The following KIF24 variants were observed in gnomAD, a reference collection of about 807,000 sequenced individuals.
KIF24 encodes the protein kinesin-like protein KIF24.
Under a neutral mutation model 118.9 loss-of-function variants are expected in KIF24, and 81 were observed. The ratio of observed to expected loss-of-function variants is 0.68; its 90% CI spans 0.57 to 0.82. The LOEUF (loss-of-function observed/expected upper bound fraction) is 0.82. Among genes scored for constraint, KIF24 ranks in the 40% least tolerant of loss-of-function variants. The probability of loss-of-function intolerance (pLI) is 0.00; values close to 1 mark genes in which losing one functional copy is unlikely to be tolerated. For missense variants in KIF24, 1,560 were observed against 1,661.6 expected (o/e 0.94, Z 1.06); for synonymous variants, 599 against 610.0 (o/e 0.98, Z 0.27).
chr9:34,291,387 T>G lies in KIF24; in HGVS notation c.912-998A>C, dbSNP rs894454672. Among the ~76,000 whole-genome samples, 15 of 152,350 alleles carry G rather than the reference T, an allele frequency of 9.8e-5. No individual in the cohort carries two copies. The East Asian group carries it at 2.7e-3, about 27-fold the overall frequency. On this transcript the variant is annotated intron_variant, in intron 4 of 12. Transcript: ENST00000402558. ...CTCTGGTTTCTGCCCTACCATTAAC[T>G]AACCATATGACCTTAGGCAAGTCCC... is the stretch of plus-strand genomic sequence containing the variant.
chr9:34,279,486 C>A (rs921084497), intron 6 of KIF24, among the ~76,000 whole-genome samples: 3 of 152,236 alleles, frequency 2.0e-5, no homozygotes, highest in African/African-American at 7.2e-5. Flanking sequence ...CTGACAAAAT[C>A]TCGATTCCAA....
chr9:34,275,490 C>T (rs1483434444), intron 6 of KIF24, among the ~76,000 whole-genome samples: 2 of 151,926 alleles, frequency 1.3e-5, no homozygotes, highest in East Asian at 1.9e-4. Flanking sequence ...CGCTTGGGCC[C>T]AGGAGTTTGA....
At chr9:34,322,403 A>G (rs561241977) in intron 1 of KIF24, among the ~76,000 whole-genome samples, 135 of 152,106 alleles carry the variant, frequency 8.9e-4, no homozygotes, top group African/African-American at 3.0e-3. Context: ...TGAGGTCTCA[A>G]TGTTGCCCAG....
chr9:34,275,930 CCT>C (rs1406624786), intron 6 of KIF24, among the ~76,000 whole-genome samples: 11 of 152,290 alleles, frequency 7.2e-5, no homozygotes, highest in African/African-American at 2.4e-4. Flanking sequence ...TGAGTTTGTT[CCT>C]CTGAGTTTGT....
At chr9:34,299,142 T>G (rs1359357161) in intron 3 of KIF24, among the ~76,000 whole-genome samples, 3 of 151,946 alleles carry the variant, frequency 2.0e-5, no homozygotes, top group African/African-American at 7.3e-5. Flanking sequence ...TATATACATA[T>G]AGCCCAACTA....
upstream of KIF24, among the ~76,000 whole-genome samples, chr9:34,333,459 T>G (rs1288435335): frequency 6.6e-6 from 1 of 151,626 alleles, no homozygotes; most frequent in Non-Finnish European, 1.5e-5. Context: ...AGACCCCATC[T>G]CTACAAAAAA....
intron 6 of KIF24, among the ~76,000 whole-genome samples, chr9:34,281,720 T>C (rs1029079738): frequency 2.6e-5 from 4 of 152,194 alleles, no homozygotes; most frequent in African/African-American, 9.6e-5. Context: ...ACCTGACTGC[T>C]TTCCCTGGTC....
rs777920334 is a variant in KIF24, at chr9:34,259,576, C to T, written c.1625+20G>A. The T allele has an allele frequency of 1.3e-6, 2 of 1,585,036 alleles. No homozygotes were observed. The highest frequency in any genetic ancestry group is 2.2e-5 in the South Asian group (2 of 90,498). On this transcript the variant is annotated intron_variant, in intron 10 of 12. Coordinates refer to ENST00000402558, the MANE Select transcript of KIF24 (RefSeq NM_194313.4). ...CACATGCACACTTACACACAACCTG[C>T]CATCTGGGAGCTGACTTACCGGTCA...
chr9:34,282,991 G>A (rs1332186462), intron 6 of KIF24, among the ~76,000 whole-genome samples: 1 of 141,098 alleles, frequency 7.1e-6, no homozygotes, highest in Non-Finnish European at 1.5e-5. Context: ...AGCAGAGGTT[G>A]CAGTGAACCC....
At chr9:34,283,576 C>T (rs1835932596) in intron 6 of KIF24, among the ~76,000 whole-genome samples, 1 of 151,880 alleles carries the variant, frequency 6.6e-6, no homozygotes, top group African/African-American at 2.4e-5. Context: ...GACTTGAGGA[C>T]GACACAAGCA....
chr9:34,318,536 G>T lies in KIF24; in HGVS notation c.-25-7165C>A. 2 of 1,035,282 alleles carry T rather than the reference G, an allele frequency of 1.9e-6. No individual in the cohort carries two copies. Among genetic ancestry groups the T allele is most frequent in the South Asian group, 1.3e-5 (1 of 75,516 alleles). 64.1% of individuals were successfully genotyped at this position (1,035,282 alleles called of 1,614,324 possible). On this transcript the variant is annotated intron_variant, in intron 1 of 12. Transcript: ENST00000402558. The surrounding 1 kb of genome is among the most constrained non-coding windows in gnomAD (Gnocchi z 4.9). ...GAGCCCCAAGGCAGCCACGCTGGCC[G>T]AACACAGCGCCGGCCTGGCCTTCAG...
intron 3 of KIF24, among the ~76,000 whole-genome samples, chr9:34,299,353 G>C (rs1487714562): frequency 1.3e-5 from 2 of 151,662 alleles, no homozygotes; most frequent in Non-Finnish European, 2.9e-5. Context: ...GCTGATTTTT[G>C]TAGTTTTAGT....
chr9:34,315,278 C>A (rs1837295985), intron 1 of KIF24, among the ~76,000 whole-genome samples: 1 of 151,978 alleles, frequency 6.6e-6, no homozygotes, highest in African/African-American at 2.4e-5. Context: ...CTCAGCCTCC[C>A]CAAATTGACC....
intron 10 of KIF24, among the ~76,000 whole-genome samples, chr9:34,259,237 A>T (rs1834965828): frequency 6.6e-6 from 1 of 152,200 alleles, no homozygotes; most frequent in South Asian, 2.1e-4. Context: ...TATCTCTTAC[A>T]ATTTGGGCTG....
Position 34,255,972 on chromosome 9 carries a change from C to T in KIF24, c.3635G>A (p.Ser1212Asn), listed in dbSNP as rs1242526236. The T allele has an allele frequency of 6.2e-6, 10 of 1,613,890 alleles. No homozygotes were observed. The highest frequency in any genetic ancestry group is 8.5e-6 in the Non-Finnish European group (10 of 1,179,876). The change falls in exon 11 of 13, where the codon AGT becomes AAT. Residue 1212 changes from serine (S) to asparagine (N), a missense_variant. Ser to Asn is a conservative substitution (Grantham distance 46). This residue lies in a region of KIF24 where 591 missense variants were observed against 655.6 expected (regional missense o/e 0.90). Transcript: ENST00000402558. ...SGPTLTPRTG[S>N]SDVADQLWAQ... Reference sequence around the variant, plus strand: ...CCAGAGCTGGTCAGCCACATCACTACTTCCTGTTCGTGGGGTGAGTGTAGG... The same window carrying T: ...CCAGAGCTGGTCAGCCACATCACTATTTCCTGTTCGTGGGGTGAGTGTAGG...
At chr9:34,307,759 A>G (rs1836981554) in intron 2 of KIF24, among the ~76,000 whole-genome samples, 1 of 151,854 alleles carries the variant, frequency 6.6e-6, no homozygotes, top group Admixed American at 6.6e-5. Context: ...CTAAAAATAT[A>G]AAACTTAGCT....
intron 7 of KIF24, among the ~76,000 whole-genome samples, chr9:34,270,792 G>A (rs1221743835): frequency 4.1e-5 from 6 of 147,008 alleles, no homozygotes; most frequent in Non-Finnish European, 6.0e-5. Flanking sequence ...TTTTTGAGAC[G>A]GAGTCTCGCT....
At position 34,257,053 on chromosome 9, in the gene KIF24, C is replaced by T. The variant is rs138861694; in HGVS notation, c.2554G>A (p.Glu852Lys). Residue 852 changes from glutamate (E) to lysine (K), a missense_variant, in exon 11 of 13, where the codon GAA becomes AAA. By Grantham distance (56) the Glu-to-Lys change is moderately conservative (BLOSUM62 1). Coordinates refer to ENST00000402558, the MANE Select transcript of KIF24 (RefSeq NM_194313.4). ...GTCTGGTGCAGGAAGAATGAGTCTT[C>T]GCTATTCTCCAGGGTGTTCCTTTGC... ...TKQRNTLENSEDSFFLHQTWG... is the reference protein window; with the variant it reads ...TKQRNTLENSKDSFFLHQTWG... The T allele has an allele frequency of 1.9e-4, 308 of 1,613,994 alleles. No individual in the cohort carries two copies. The African/African-American group carries it at 2.8e-3, about 15-fold the overall frequency.
At chr9:34,266,707 A>AAAG (rs1457712844) in intron 8 of KIF24, among the ~76,000 whole-genome samples, 1 of 151,674 alleles carries the variant, frequency 6.6e-6, no homozygotes, top group African/African-American at 2.4e-5. Context: ...AAAGAAAAAG[A>AAAG]AAGAAAAAGA....
Sources: allele counts gnomAD v4.1 joint callset (sites outside exome capture counted in the v4.1 genomes callset), GRCh38; gene constraint gnomAD v4.1.1; regional missense constraint gnomAD v4.1.1; non-coding constraint Gnocchi (gnomAD v3.1); transcripts MANE v1.5; gene names NCBI Gene and HGNC (gene_info 2026-07-23, HGNC 2026-07-21).